The following SERGEF variants were observed in gnomAD, a reference collection of about 807,000 sequenced individuals.
SERGEF encodes secretion regulating guanine nucleotide exchange factor.
In SERGEF, 51 loss-of-function variants were observed where a neutral mutation model predicts 50.0. The observed-to-expected ratio is 1.02, with a 90% CI of 0.81 to 1.29. The LOEUF (loss-of-function observed/expected upper bound fraction) is 1.29. SERGEF is among the 50% of genes most tolerant of loss of function. The probability of loss-of-function intolerance (pLI) is 0.00; values close to 1 mark genes in which losing one functional copy is unlikely to be tolerated. For missense variants in SERGEF, 521 were observed against 557.0 expected (o/e 0.94, Z 0.65); for synonymous variants, 205 against 212.4 (o/e 0.97, Z 0.30).
At chr11:17,794,309 C>T (rs537147501) in intron 10 of SERGEF, among the ~76,000 whole-genome samples, 11 of 152,254 alleles carry the variant, frequency 7.2e-5, no homozygotes, top group African/African-American at 2.4e-4. Context: ...AATGTGGATG[C>T]GATAGCTGGA....
intron 10 of SERGEF, among the ~76,000 whole-genome samples, chr11:17,876,819 GGCACCGCCTTTGACT>G (rs1851243218): frequency 6.6e-6 from 1 of 152,242 alleles, no homozygotes; most frequent in African/African-American, 2.4e-5. Context: ...CAATGTCCTA[GGCACCGCCTTTGACT>G]CTTTTGATTA....
intron 8 of SERGEF, among the ~76,000 whole-genome samples, chr11:17,970,477 C>T (rs763796016): frequency 4.6e-5 from 7 of 152,288 alleles, no homozygotes; most frequent in Non-Finnish European, 8.8e-5. Flanking sequence ...ATTAATAACC[C>T]TACCATGGCC....
intron 9 of SERGEF, among the ~76,000 whole-genome samples, chr11:17,937,217 T>C (rs927881754): frequency 1.3e-5 from 2 of 152,086 alleles, no homozygotes; most frequent in African/African-American, 2.4e-5. Flanking sequence ...AAAAAATACG[T>C]GTAGAAAAAA....
intron 10 of SERGEF, among the ~76,000 whole-genome samples, chr11:17,819,461 C>A (rs945254836): frequency 1.3e-5 from 2 of 152,000 alleles, no homozygotes; most frequent in Non-Finnish European, 2.9e-5. Context: ...CTTCAAAGCT[C>A]AAAAAAATCT....
chr11:17,994,475 C>CAAAAAAA (rs58280362), intron 6 of SERGEF, among the ~76,000 whole-genome samples: 1 of 63,712 alleles, frequency 1.6e-5, no homozygotes, highest in African/African-American at 6.9e-5. Context: ...GACTCTGTCT[C>CAAAAAAA]AAAAAAAAAA....
intron 10 of SERGEF, among the ~76,000 whole-genome samples, chr11:17,842,378 A>G (rs16934735): frequency 0.17 from 25,340 of 152,144 alleles, 2,427 homozygotes; most frequent in Middle Eastern, 0.29. Context: ...TATCCACTAC[A>G]GTGAAACACC....
chr11:18,004,387 A>C (rs1459861147), intron 4 of SERGEF, 54 bp downstream of exon 4: 2 of 1,312,148 alleles, frequency 1.5e-6, no homozygotes, highest in Admixed American at 3.5e-5. Flanking sequence ...ATAGGTTAAT[A>C]CCTTGGAAAC....
intron 9 of SERGEF, among the ~76,000 whole-genome samples, chr11:17,887,595 G>A (rs1176304722): frequency 6.6e-6 from 1 of 152,170 alleles, no homozygotes; most frequent in Non-Finnish European, 1.5e-5. Context: ...TGAAATAACT[G>A]GAACTCTTAC....
chr11:17,816,654 T>C (rs1407412908), intron 10 of SERGEF, among the ~76,000 whole-genome samples: 2 of 152,244 alleles, frequency 1.3e-5, no homozygotes, highest in African/African-American at 4.8e-5. Flanking sequence ...CACTTGCTCC[T>C]GCTAGCTCAG....
At chr11:17,829,623 C>A (rs751251952) in intron 10 of SERGEF, among the ~76,000 whole-genome samples, 1 of 152,046 alleles carries the variant, frequency 6.6e-6, no homozygotes, top group African/African-American at 2.4e-5. Context: ...AATCCTCTCC[C>A]CACACCACCC....
At chr11:17,830,898 C>T (rs1417666488) in intron 10 of SERGEF, among the ~76,000 whole-genome samples, 1 of 152,024 alleles carries the variant, frequency 6.6e-6, no homozygotes, top group Non-Finnish European at 1.5e-5. Context: ...GTACTCAGAC[C>T]ATTTACTGGT....
Position 17,836,525 on chromosome 11 carries a change from T to C in SERGEF, c.1048+41683A>G, listed in dbSNP as rs537381852. 2.0e-5 allele frequency among the ~76,000 whole-genome samples: 3 copies of C among 152,308 alleles called. No homozygotes were observed. In the South Asian group the frequency reaches 6.2e-4, roughly 32 times the overall value. On this transcript the variant is annotated intron_variant, in intron 10 of 10. Transcript: ENST00000265965. ...TCAACTAGACTATAGCTTTAAGACC[T>C]CTATTGGTTCCTGATGCCTAAAGGA... is the stretch of plus-strand genomic sequence containing the variant.
At chr11:17,907,964 TCCA>T (rs1291773872) in intron 9 of SERGEF, among the ~76,000 whole-genome samples, 1 of 152,108 alleles carries the variant, frequency 6.6e-6, no homozygotes, top group Non-Finnish European at 1.5e-5. Context: ...TCCTAGAAAT[TCCA>T]CCTCCCTGAT....
chr11:17,828,113 C>G lies in SERGEF; in HGVS notation c.1049-39700G>C, dbSNP rs142756765. 5.2e-3 allele frequency among the ~76,000 whole-genome samples: 799 copies of G among 152,260 alleles called. 6 individuals are homozygous for G. Among genetic ancestry groups the G allele is most frequent in the Non-Finnish European group, 7.4e-3 (505 of 68,026 alleles). On this transcript the variant is annotated intron_variant, in intron 10 of 10. Transcript: ENST00000265965. The stretch of plus-strand genomic sequence containing the variant: ...CTAGTGAAGGCGGAGTTGAGATACC[C>G]CGTATCTACTGTGTGCTGCCTGGAC...
At chr11:17,793,276 G>A (rs1358927635) in intron 10 of SERGEF, among the ~76,000 whole-genome samples, 1 of 152,150 alleles carries the variant, frequency 6.6e-6, no homozygotes, top group Non-Finnish European at 1.5e-5. Flanking sequence ...ATGATAGGAA[G>A]TTTGGGGTTT....
At chr11:18,007,288 G>C (rs1854094514) in intron 2 of SERGEF, among the ~76,000 whole-genome samples, 1 of 152,152 alleles carries the variant, frequency 6.6e-6, no homozygotes, top group Non-Finnish European at 1.5e-5. Flanking sequence ...GGTCCATAAA[G>C]GGAAAAGCAC....
Position 17,988,601 on chromosome 11 carries a change from C to T in SERGEF, c.840G>A (p.Gln280=), listed in dbSNP as rs1565224033. Residue 280 remains glutamine, a synonymous_variant, in exon 8 of 11, where the codon CAG becomes CAA. Transcript: ENST00000265965. ...AGTTCTCTGCTACTGTCTCACCTGT[C>T]TGAGCAACCAGGTGTGTCCATCCAC... ...IWSGWTHLVA[Q]TETGKMFTWG... is the part of the protein sequence containing the mutation. The T allele has an allele frequency of 6.2e-7, 1 of 1,613,906 alleles. No individual in the cohort carries two copies. The highest frequency in any genetic ancestry group is 1.3e-5 in the African/African-American group (1 of 75,042).
At chr11:17,859,686 G>GA (rs920409819) in intron 10 of SERGEF, among the ~76,000 whole-genome samples, 13 of 149,374 alleles carry the variant, frequency 8.7e-5, no homozygotes, top group South Asian at 2.1e-4. Context: ...GAATTTCAAG[G>GA]AAAAAAAAAT....
intron 10 of SERGEF, among the ~76,000 whole-genome samples, chr11:17,849,783 TATTCACGG>T (rs1011845282): frequency 1.3e-5 from 2 of 152,250 alleles, no homozygotes; most frequent in African/African-American, 2.4e-5. Flanking sequence ...GAGATTAATT[TATTCACGG>T]TCAATACCAT....
Sources: gnomAD v4.1 joint callset for allele counts (sites outside exome capture counted in the v4.1 genomes callset) on GRCh38, gnomAD v4.1.1 for gene constraint, MANE v1.5 for transcripts, NCBI Gene and HGNC (gene_info 2026-07-23, HGNC 2026-07-21) for gene names.